Variants in SGMS1 observed in about 807,000 individuals in gnomAD.
SGMS1 encodes the protein sphingomyelin synthase 1.
SGMS1 carries 13 observed loss-of-function variants against 46.2 expected under a neutral mutation model. The observed-to-expected ratio is 0.28, with a 90% confidence interval of 0.18 to 0.45. The LOEUF (loss-of-function observed/expected upper bound fraction) is 0.45, where lower values mean the gene tolerates loss of function less well. Among genes scored for constraint, SGMS1 ranks in the 20% least tolerant of loss-of-function variants. SGMS1 has a pLI of 1.00. For synonymous variants in SGMS1, 203 were observed against 187.8 expected, an observed-to-expected ratio of 1.08 and a Z score of -0.66; for missense variants, 324 against 519.9, an observed-to-expected ratio of 0.62 and a Z score of 3.66.
At chr10:50,382,198 G>C (rs1447881213) in intron 6 of SGMS1, among the ~76,000 whole-genome samples, 1 of 151,980 alleles carries the variant, frequency 6.6e-6, no homozygotes, top group Non-Finnish European at 1.5e-5. Context: ...AGTTTCAGTT[G>C]GTATCAGCTA....
chr10:50,562,272 T>C (rs1418409464), intron 2 of SGMS1, among the ~76,000 whole-genome samples: 1 of 150,872 alleles, frequency 6.6e-6, no homozygotes, highest in East Asian at 1.9e-4. Context: ...TCCACACCTA[T>C]AGATTATGGT....
At chr10:50,516,910 T>A (rs1482779862) in intron 3 of SGMS1, among the ~76,000 whole-genome samples, 1 of 152,202 alleles carries the variant, frequency 6.6e-6, no homozygotes, top group African/African-American at 2.4e-5. Context: ...ACATCTACTG[T>A]TCCTGAGCAA....
intron 3 of SGMS1, among the ~76,000 whole-genome samples, chr10:50,506,470 T>TA (rs75050851): frequency 2.0e-4 from 29 of 147,826 alleles, no homozygotes; most frequent in Non-Finnish European, 9.0e-5. Flanking sequence ...TCCTTCCTAA[T>TA]AAAAAAAAAA....
chr10:50,360,746 G>A (rs577136312), intron 6 of SGMS1, among the ~76,000 whole-genome samples: 1 of 152,312 alleles, frequency 6.6e-6, no homozygotes, highest in African/African-American at 2.4e-5. Context: ...GCCTGGGAAA[G>A]TCTAACACAG....
In SGMS1 at chr10:50,606,428, C is replaced by T. The variant is rs141393284; in HGVS notation, c.-683-16181G>A. 3.9e-5 allele frequency among the ~76,000 whole-genome samples: 6 copies of T among 152,144 alleles called. No homozygotes were observed. The East Asian group carries it at 1.2e-3, about 29-fold the overall frequency. On this transcript the variant is annotated intron_variant, in intron 1 of 10. Transcript: ENST00000361781. ...CACAACAATTTGAAGGTACTTAATG[C>T]CACTGAACTGTATACTTAAAAATTG...
At chr10:50,617,904 G>A (rs1038406644) in intron 1 of SGMS1, among the ~76,000 whole-genome samples, 4 of 144,024 alleles carry the variant, frequency 2.8e-5, no homozygotes, top group African/African-American at 1.0e-4. Flanking sequence ...TTTTTGTAGA[G>A]ACAGGGTCTC....
intron 1 of SGMS1, among the ~76,000 whole-genome samples, chr10:50,620,491 T>C (rs1055132188): frequency 6.6e-6 from 1 of 152,186 alleles, no homozygotes; most frequent in African/African-American, 2.4e-5. Flanking sequence ...TATGAAGTGG[T>C]GGGAAAGTGT....
At position 50,306,915 on chromosome 10, in the gene SGMS1, G is replaced by A; in HGVS notation, c.*227C>T. The stretch of plus-strand genomic sequence containing the variant: ...TATGTAAATCCCAAACTTATGAACA[G>A]GAAATGTGTACAGTGCATGATAGGT... On this transcript the variant is annotated 3_prime_UTR_variant, in exon 11 of 11. Transcript: ENST00000361781. 1 of 385,108 alleles carries A rather than the reference G, an allele frequency of 2.6e-6. No homozygotes were observed. Among genetic ancestry groups the A allele is most frequent in the Non-Finnish European group, 4.6e-6 (1 of 216,702 alleles). The allele number at this position is 385,108 out of a possible 1,614,324, so 23.9% of individuals were successfully genotyped here. A position where few individuals can be genotyped will look rare whatever the true frequency, so the allele number is the denominator to read the frequency against.
At chr10:50,401,640 C>T (rs960715118) in intron 6 of SGMS1, among the ~76,000 whole-genome samples, 3 of 152,194 alleles carry the variant, frequency 2.0e-5, no homozygotes, top group African/African-American at 7.2e-5. Context: ...AAATACCCCC[C>T]ACCAAAAGCT....
intron 2 of SGMS1, among the ~76,000 whole-genome samples, chr10:50,529,321 A>C (rs1238470984): frequency 1.3e-5 from 2 of 152,188 alleles, no homozygotes; most frequent in Non-Finnish European, 2.9e-5. Flanking sequence ...ATACTTCCAG[A>C]CTGTAATTGC....
At chr10:50,386,285 C>A (rs1220423179) in intron 6 of SGMS1, among the ~76,000 whole-genome samples, 2 of 152,104 alleles carry the variant, frequency 1.3e-5, no homozygotes, top group Non-Finnish European at 2.9e-5. Flanking sequence ...GAAACACATG[C>A]CACTACTTAC....
chr10:50,544,477 CCTCT>C (rs1408386357), intron 2 of SGMS1, among the ~76,000 whole-genome samples: 1 of 152,268 alleles, frequency 6.6e-6, no homozygotes, highest in East Asian at 1.9e-4. Context: ...TTTGCATATG[CCTCT>C]CTCTCACTCA....
intron 2 of SGMS1, among the ~76,000 whole-genome samples, chr10:50,549,301 C>T (rs1838128505): frequency 6.6e-6 from 1 of 152,148 alleles, no homozygotes; most frequent in African/African-American, 2.4e-5. Context: ...ACCCAGATGC[C>T]CATCAGTGAT....
At chr10:50,308,767 T>C (rs1443932771) in intron 9 of SGMS1, among the ~76,000 whole-genome samples, 1 of 152,170 alleles carries the variant, frequency 6.6e-6, no homozygotes, top group Non-Finnish European at 1.5e-5. Flanking sequence ...GAGAAAAACA[T>C]CAAAATTTCT....
chr10:50,394,410 T>A (rs1004790322), intron 6 of SGMS1, among the ~76,000 whole-genome samples: 1 of 152,216 alleles, frequency 6.6e-6, no homozygotes, highest in Non-Finnish European at 1.5e-5. Context: ...ACACTACAGA[T>A]GCGTTCTGAA....
intron 2 of SGMS1, among the ~76,000 whole-genome samples, chr10:50,538,305 A>C (rs1413033358): frequency 6.6e-6 from 1 of 151,326 alleles, no homozygotes; most frequent in Non-Finnish European, 1.5e-5. Flanking sequence ...AAAATACAAA[A>C]AAATTAGCCG....
intron 6 of SGMS1, among the ~76,000 whole-genome samples, chr10:50,353,141 A>G (rs1421716376): frequency 1.3e-5 from 2 of 152,250 alleles, no homozygotes; most frequent in African/African-American, 2.4e-5. Context: ...ACAAAAAAAG[A>G]GAATTTTAGA....
intron 6 of SGMS1, among the ~76,000 whole-genome samples, chr10:50,400,400 T>C (rs1434236281): frequency 6.0e-3 from 4 of 672 alleles, no homozygotes; most frequent in Admixed American, 0.026. Context: ...TCCTGGCATA[T>C]ATATATATAT....
chr10:50,419,669 C>T (rs927800386), intron 6 of SGMS1, among the ~76,000 whole-genome samples: 5 of 152,136 alleles, frequency 3.3e-5, no homozygotes, highest in African/African-American at 1.2e-4. Context: ...CAGGGGGCTG[C>T]AGAAGTGCTA....
Sources: allele counts gnomAD v4.1 joint callset (sites outside exome capture counted in the v4.1 genomes callset), GRCh38; gene constraint gnomAD v4.1.1; transcripts MANE v1.5; gene names NCBI Gene and HGNC (gene_info 2026-07-23, HGNC 2026-07-21).